SACS: variants seen among roughly 807,000 people sequenced by gnomAD.
SACS encodes the protein sacsin.
Under a neutral mutation model 348.0 loss-of-function variants are expected in SACS, and 197 were observed. The observed-to-expected ratio is 0.57, with a 90% confidence interval of 0.50 to 0.64. The LOEUF is 0.64. SACS is among the 30% of genes least tolerant of loss of function. The pLI, the probability that SACS is intolerant of heterozygous loss-of-function variation, is 0.00. For synonymous variants in SACS, 1,985 were observed against 1,910.6 expected (o/e 1.04, Z -1.02); for missense variants, 4,999 against 5,360.8 (o/e 0.93, Z 2.11).
At position 23,420,262 on chromosome 13, in the gene SACS, A is replaced by G. The variant is rs545536897; in HGVS notation, c.-501-8522T>C. On this transcript the variant is annotated intron_variant, in intron 1 of 9. Transcript: ENST00000382292. Reference sequence around the variant, plus strand: ...TGTCCAGATGGGGCATAGATTATCTATGTGGGGACTGGTGTCTAGATGGGG... The same window carrying G: ...TGTCCAGATGGGGCATAGATTATCTGTGTGGGGACTGGTGTCTAGATGGGG... 5.3e-5 allele frequency among the ~76,000 whole-genome samples: 8 copies of G among 152,154 alleles called. No homozygotes were observed. The East Asian group carries it at 5.8e-4, about 11-fold the overall frequency.
At chr13:23,350,102 T>C (rs566099627) in intron 9 of SACS, among the ~76,000 whole-genome samples, 18 of 152,326 alleles carry the variant, frequency 1.2e-4, no homozygotes, top group African/African-American at 4.3e-4. Context: ...AGGAATGGTA[T>C]CATCATGGCT....
chr13:23,375,445 C>A (rs1871711444), intron 2 of SACS, 176 bp from the exon 3 acceptor site: 1 of 1,184,040 alleles, frequency 8.4e-7, no homozygotes, highest in Non-Finnish European at 1.0e-6. Flanking sequence ...ACAGGCCCCG[C>A]GCGGGCCGGG....
chr13:23,410,906 G>A (rs1213748722), intron 2 of SACS, among the ~76,000 whole-genome samples: 1 of 151,900 alleles, frequency 6.6e-6, no homozygotes, highest in Non-Finnish European at 1.5e-5. Context: ...ACAATCATAT[G>A]GCAGTGAGAG....
chr13:23,354,025 T>C, intron 8 of SACS, 149 bp from the exon 9 acceptor site: 1 of 650,034 alleles, frequency 1.5e-6, no homozygotes, highest in Non-Finnish European at 2.8e-6. Flanking sequence ...ACAATATTTT[T>C]GATCAAATAT....
Position 23,334,325 on chromosome 13 carries a change from C to T in SACS, c.9551G>A (p.Arg3184His), listed in dbSNP as rs200453385. ...TAATGTATTCATAAACAAGTCTTTG[C>T]GGGATGGAATCAATTCATGATATGT... The part of the protein sequence containing the change: ...LTTYHELIPS[R>H]KDLFMNTLYL... The change falls in exon 10 of 10, where the codon CGC becomes CAC. Residue 3184 changes from arginine (R) to histidine (H), a missense_variant. Physicochemically the swap from Arg to His is conservative, Grantham distance 29 (BLOSUM62 0). Transcript: ENST00000382292. The T allele has an allele frequency of 4.6e-5, 74 of 1,610,322 alleles. No homozygotes were observed. The highest frequency in any genetic ancestry group is 6.7e-5 in the Admixed American group (4 of 59,712).
intron 2 of SACS, among the ~76,000 whole-genome samples, chr13:23,401,726 T>C (rs921446106): frequency 6.6e-6 from 1 of 152,246 alleles, no homozygotes. Context: ...TACTTTCTAC[T>C]GTGATGCTTT....
At chr13:23,408,668 T>C (rs142573108) in intron 2 of SACS, among the ~76,000 whole-genome samples, 312 of 152,218 alleles carry the variant, frequency 2.0e-3, no homozygotes, top group African/African-American at 7.2e-3. Context: ...GGATCCTCTT[T>C]AACAATTTTC....
intron 1 of SACS, among the ~76,000 whole-genome samples, chr13:23,431,353 C>T (rs1007718100): frequency 1.3e-5 from 2 of 152,234 alleles, no homozygotes; most frequent in African/African-American, 2.4e-5. Context: ...CCCAACTTCG[C>T]TATGTTCCCC....
rs749208513 is a variant in SACS, at chr13:23,338,198, G to A, written c.5678C>T (p.Thr1893Ile). ...TTTCCAGATTTCTTTCCTATTTGAT[G>A]TAACAGCAAAGCACCCATTGATATG... The part of the protein sequence containing the change: ...PVHINGCFAV[T>I]SNRKEIWKTD... The change falls in exon 10 of 10, where the codon ACA (threonine) becomes ATA (isoleucine). Residue 1893 changes from threonine (T) to isoleucine (I), a missense_variant. Thr to Ile is a moderately conservative substitution (Grantham distance 89, BLOSUM62 -1). Transcript: ENST00000382292. The A allele has an allele frequency of 2.0e-5, 33 of 1,614,040 alleles. No individual in the cohort carries two copies. The highest frequency in any genetic ancestry group is 1.6e-4 in the Middle Eastern group (1 of 6,062).
chr13:23,384,313 T>A (rs930197613), intron 2 of SACS, among the ~76,000 whole-genome samples: 2 of 152,220 alleles, frequency 1.3e-5, no homozygotes, highest in African/African-American at 2.4e-5. Context: ...ACTCATCAAC[T>A]ATGGAAAGTC....
chr13:23,362,031 G>A (rs1193007098), intron 6 of SACS, among the ~76,000 whole-genome samples: 1 of 152,194 alleles, frequency 6.6e-6, no homozygotes, highest in Non-Finnish European at 1.5e-5. Context: ...TTGCTTATTG[G>A]AAATAAGCTT....
chr13:23,364,561 G>C (rs535484550), intron 6 of SACS, among the ~76,000 whole-genome samples: 1 of 152,180 alleles, frequency 6.6e-6, no homozygotes, highest in African/African-American at 2.4e-5. Context: ...GATTACAGGC[G>C]TGAGCCACCG....
intron 4 of SACS, among the ~76,000 whole-genome samples, chr13:23,370,152 C>G (rs901194536): frequency 6.6e-6 from 1 of 152,156 alleles, no homozygotes; most frequent in Non-Finnish European, 1.5e-5. Flanking sequence ...GCCACCACAC[C>G]CGGCCCCCAC....
At position 23,333,380 on chromosome 13, in the gene SACS, T is replaced by C. The variant is rs1883617520; in HGVS notation, c.10496A>G (p.Tyr3499Cys). Residue 3499 changes from tyrosine to cysteine, a missense_variant, in exon 10 of 10, where the codon TAC becomes TGC. Physicochemically the swap from Tyr to Cys is radical, Grantham distance 194. Around this residue, in one of 6 missense-constraint regions of SACS, gnomAD observed 734 missense variants for 694.0 expected, o/e 1.06. Transcript: ENST00000382292. ...AGCACTTGATAATCTATTCTTAAGG[T>C]AGATCAAGTGCTCTAATTTTGCATC... ...SYDAKLEHLI[Y>C]LKNRLSSAEE... 6.2e-7 allele frequency: 1 copy of C among 1,603,032 alleles called. No homozygotes were observed. The highest frequency in any genetic ancestry group is 8.5e-7 in the Non-Finnish European group (1 of 1,175,964).
chr13:23,335,510 G>A lies in SACS; in HGVS notation c.8366C>T (p.Thr2789Ile). 2 of 1,613,608 alleles carry A rather than the reference G, an allele frequency of 1.2e-6. No individual in the cohort carries two copies. The highest frequency in any genetic ancestry group is 1.7e-6 in the Non-Finnish European group (2 of 1,179,904). ...QFHASVIDSV[T>I]KKRQLKDIPV... The stretch of plus-strand genomic sequence containing the variant: ...TATGTCTTTGAGCTGCCTCTTTTTA[G>A]TAACACTATCAATTACAGATGCATG... Residue 2789 changes from threonine (T) to isoleucine (I), a missense_variant, in exon 10 of 10, where the codon ACT (threonine) becomes ATT (isoleucine). Around this residue, in one of 6 missense-constraint regions of SACS, gnomAD observed 3,156 missense variants for 3,380.1 expected, o/e 0.93. Coordinates refer to ENST00000382292, the MANE Select transcript of SACS (RefSeq NM_014363.6). The surrounding 1 kb of genome is among the most constrained non-coding windows in gnomAD (Gnocchi z 4.7).
In SACS at chr13:23,335,953, G is replaced by A. The variant is rs774258729; in HGVS notation, c.7923C>T (p.Gly2641=). Residue 2641 remains glycine (G), a synonymous_variant, in exon 10 of 10, where the codon GGC becomes GGT. Transcript: ENST00000382292. The surrounding 1 kb of genome is among the most constrained non-coding windows in gnomAD (Gnocchi z 4.7). ...GATCAAAAATACACAGGATGTCATTGCCAGAAATAAAAGATGGGCAGTCTG... is the reference window on the plus strand; with the variant it reads ...GATCAAAAATACACAGGATGTCATTACCAGAAATAAAAGATGGGCAGTCTG... ...HITDCPSFIS[G]NDILCIFDPH... The A allele has an allele frequency of 6.2e-7, 1 of 1,612,558 alleles. No individual in the cohort carries two copies. Among genetic ancestry groups the A allele is most frequent in the Non-Finnish European group, 8.5e-7 (1 of 1,178,734 alleles).
In SACS at chr13:23,332,115, T is replaced by C; in HGVS notation, c.11761A>G (p.Ile3921Val). The change falls in exon 10 of 10, where the codon ATC becomes GTC. Residue 3921 changes from isoleucine (I) to valine (V), a missense_variant. Ile to Val is a conservative substitution (Grantham distance 29). Around this residue, in one of 6 missense-constraint regions of SACS, gnomAD observed 831 missense variants for 941.8 expected, o/e 0.88. Transcript: ENST00000382292. ...SQDGRLVKSSILVFDDAPHYK... is the reference protein window; with the variant it reads ...SQDGRLVKSSVLVFDDAPHYK... ...TGTGGCGCATCGTCAAACACTAAGA[T>C]GCTTGACTTTACCAATCTACCATCC... The C allele has an allele frequency of 6.2e-7, 1 of 1,614,110 alleles. No homozygotes were observed.
intron 2 of SACS, among the ~76,000 whole-genome samples, chr13:23,396,293 C>T (rs1872709250): frequency 6.7e-6 from 1 of 148,894 alleles, no homozygotes; most frequent in African/African-American, 2.5e-5. Context: ...CACTGCATTC[C>T]AGCCTGGGCG....
At chr13:23,346,583 A>G (rs1232222034) in intron 9 of SACS, among the ~76,000 whole-genome samples, 1 of 152,252 alleles carries the variant, frequency 6.6e-6, no homozygotes, top group Non-Finnish European at 1.5e-5. Flanking sequence ...TGTTCTATGA[A>G]GTGAATGTTT....
Sources: gnomAD v4.1 joint callset for allele counts (sites outside exome capture counted in the v4.1 genomes callset) on GRCh38, gnomAD v4.1.1 for gene constraint, gnomAD v4.1.1 regional missense constraint, Gnocchi (gnomAD v3.1) non-coding constraint, MANE v1.5 for transcripts, NCBI Gene and HGNC (gene_info 2026-07-23, HGNC 2026-07-21) for gene names.